The following RBFOX1 variants were observed in gnomAD, a reference collection of about 807,000 sequenced individuals.
RBFOX1 encodes the protein RNA binding fox-1 homolog 1.
In RBFOX1, 8 loss-of-function variants were observed where a neutral mutation model predicts 57.7. The ratio of observed to expected loss-of-function variants is 0.14; its 90% CI spans 0.08 to 0.25. RBFOX1 has a LOEUF of 0.25. RBFOX1 is among the 10% of genes least tolerant of loss of function. RBFOX1 has a pLI of 1.00. For synonymous variants in RBFOX1, 326 were observed against 222.4 expected (o/e 1.47, Z -4.15); for missense variants, 611 against 548.5 (o/e 1.11, Z -1.14).
At position 5,270,269 on chromosome 16, in the gene RBFOX1, T is replaced by C. The variant is rs995903506; in HGVS notation, c.219+30164T>C. 5 of 608,806 alleles carry C rather than the reference T, an allele frequency of 8.2e-6. No homozygotes were observed. In the African/African-American group the frequency reaches 9.3e-5, roughly 11 times the overall value. The allele number at this position is 608,806 out of a possible 1,614,324, so 37.7% of individuals were successfully genotyped here. A position where few individuals can be genotyped will look rare whatever the true frequency, so the allele number is the denominator to read the frequency against. On this transcript the variant is annotated intron_variant, in intron 1 of 2. Coordinates refer to the RBFOX1 transcript ENST00000585867. ...CATTTTCTAAGAAAGATCAGTATGA[T>C]GTAAAAGCACCTGCTATGTTCAATG... is the stretch of plus-strand genomic sequence containing the variant.
intron 3 of RBFOX1, among the ~76,000 whole-genome samples, chr16:6,767,947 T>TAATAATAAGAAGAAGAAGAAG (rs1410744665): frequency 3.4e-4 from 34 of 101,032 alleles, no homozygotes; most frequent in African/African-American, 1.4e-3. Flanking sequence ...ATAATAATAA[T>TAATAATAAGAAGAAGAAGAAG]AAGAAGAAGA....
intron 4 of RBFOX1, among the ~76,000 whole-genome samples, chr16:7,186,780 A>T (rs911031706): frequency 6.6e-6 from 1 of 151,064 alleles, no homozygotes; most frequent in African/African-American, 2.4e-5. Context: ...CATTAACTTA[A>T]ATCTATCCTG....
intron 3 of RBFOX1, among the ~76,000 whole-genome samples, chr16:6,939,242 C>T (rs1320869500): frequency 2.0e-5 from 3 of 152,006 alleles, no homozygotes; most frequent in Non-Finnish European, 2.9e-5. Flanking sequence ...TAAAGGTTTC[C>T]CCACTTCTCA....
In RBFOX1 at chr16:6,971,486, A is replaced by AAG. The variant is rs200603021; in HGVS notation, c.-15-80552_-15-80551dup. ...GCAGAGCTTTTCAGATTGCAATATGAAGAGAGAGAGAGAGAGAGAGTTGGT... is the reference window on the plus strand; with the variant it reads ...GCAGAGCTTTTCAGATTGCAATATGAAGAGAGAGAGAGAGAGAGAGAGTTGGT... On this transcript the variant is annotated intron_variant, in intron 3 of 15. Transcript: ENST00000550418. Among the ~76,000 whole-genome samples the AAG allele has an allele frequency of 8.7e-3, 1,203 of 138,530 alleles. 17 individuals are homozygous for AAG. Among genetic ancestry groups the AAG allele is most frequent in the East Asian group, 0.053 (253 of 4,794 alleles). The allele number at this position is 138,530 out of a possible 152,430, so 90.9% of individuals were successfully genotyped here.
chr16:6,427,731 G>T (rs1023771022), intron 2 of RBFOX1, among the ~76,000 whole-genome samples: 10 of 152,240 alleles, frequency 6.6e-5, no homozygotes, highest in African/African-American at 2.4e-4. Context: ...GATTTATAAT[G>T]ATTTAAACAG....
At chr16:5,722,268 G>C (rs1387565635) in intron 3 of RBFOX1, among the ~76,000 whole-genome samples, 1 of 152,158 alleles carries the variant, frequency 6.6e-6, no homozygotes, top group South Asian at 2.1e-4. Flanking sequence ...ACATAATTAG[G>C]CTACAGTGTA....
At chr16:7,054,233 C>CTT (rs34402387) in intron 4 of RBFOX1, among the ~76,000 whole-genome samples, 83 of 5,130 alleles carry the variant, frequency 0.016, 32 homozygotes, top group Non-Finnish European at 0.02. Context: ...GGGCGGGGAG[C>CTT]TTTTTTTTTT....
At chr16:6,171,401 G>A (rs867062363) in intron 1 of RBFOX1, among the ~76,000 whole-genome samples, 6 of 152,120 alleles carry the variant, frequency 3.9e-5, no homozygotes, top group East Asian at 1.9e-4. Flanking sequence ...TTCAAGACTC[G>A]ATTTAGAGAA....
chr16:6,513,499 C>A (rs577428703), intron 2 of RBFOX1, among the ~76,000 whole-genome samples: 1 of 152,024 alleles, frequency 6.6e-6, no homozygotes, highest in Admixed American at 6.6e-5. Flanking sequence ...TTTGGGAGGT[C>A]GAGGCAGGCG....
At chr16:5,416,624 C>T (rs2067166512) in intron 1 of RBFOX1, among the ~76,000 whole-genome samples, 1 of 151,706 alleles carries the variant, frequency 6.6e-6, no homozygotes, top group Non-Finnish European at 1.5e-5. Context: ...TTCTTCTGAA[C>T]TGCGTGATTT....
At chr16:6,570,605 C>G (rs1215184460) in intron 2 of RBFOX1, among the ~76,000 whole-genome samples, 2 of 152,016 alleles carry the variant, frequency 1.3e-5, no homozygotes, top group African/African-American at 2.4e-5. Flanking sequence ...ATCTGTATCT[C>G]TAGCTTTTTT....
intron 2 of RBFOX1, among the ~76,000 whole-genome samples, chr16:6,438,285 C>A (rs1375307258): frequency 6.6e-6 from 1 of 152,160 alleles, no homozygotes; most frequent in East Asian, 1.9e-4. Context: ...CTGAGAGAAA[C>A]CTGTGAAAGG....
intron 1 of RBFOX1, among the ~76,000 whole-genome samples, chr16:6,073,434 T>G (rs771192480): frequency 2.0e-5 from 3 of 152,218 alleles, no homozygotes; most frequent in African/African-American, 7.2e-5. Context: ...ATGTGGCATT[T>G]GGGAACTGAA....
chr16:5,308,567 C>T (rs982784256), intron 1 of RBFOX1, among the ~76,000 whole-genome samples: 1 of 152,038 alleles, frequency 6.6e-6, no homozygotes, highest in African/African-American at 2.4e-5. Context: ...TCTCCCCTTC[C>T]TTTAACCTCA....
At chr16:5,472,090 G>T (rs528596299) in intron 2 of RBFOX1, among the ~76,000 whole-genome samples, 29 of 152,234 alleles carry the variant, frequency 1.9e-4, no homozygotes, top group African/African-American at 6.7e-4. Flanking sequence ...TCATGTCTCT[G>T]TTATTTGCCG....
chr16:5,739,986 G>A (rs184052511), intron 3 of RBFOX1, among the ~76,000 whole-genome samples: 1 of 152,330 alleles, frequency 6.6e-6, no homozygotes, highest in East Asian at 1.9e-4. Flanking sequence ...CCTGGGGAGG[G>A]ATCAGTGTGG....
intron 4 of RBFOX1, among the ~76,000 whole-genome samples, chr16:5,973,973 A>C (rs1259899285): frequency 6.6e-6 from 1 of 152,186 alleles, no homozygotes; most frequent in East Asian, 1.9e-4. Flanking sequence ...GCTGACTGTG[A>C]AGCCTTGGTT....
chr16:6,623,804 A>G lies in RBFOX1; in HGVS notation c.-63-30799A>G, dbSNP rs1000207791. Among the ~76,000 whole-genome samples the G allele has an allele frequency of 2.6e-5, 4 of 152,272 alleles. 1 individual carries two copies. Among genetic ancestry groups the G allele is most frequent in the Non-Finnish European group, 1.5e-5 (1 of 68,034 alleles). On this transcript the variant is annotated intron_variant, in intron 2 of 15. Coordinates refer to ENST00000550418, the MANE Select transcript of RBFOX1 (RefSeq NM_018723.4). ...CTTTTTTATGGCTGCATAGTATTCT[A>G]TGGTGTATATGTGCCACATTTTCTT...
At chr16:6,154,074 C>T (rs1233037201) in intron 1 of RBFOX1, among the ~76,000 whole-genome samples, 1 of 152,172 alleles carries the variant, frequency 6.6e-6, no homozygotes, top group Non-Finnish European at 1.5e-5. Flanking sequence ...ACTGGCATAG[C>T]CTGGTGATTC....
Sources: allele counts gnomAD v4.1 joint callset (sites outside exome capture counted in the v4.1 genomes callset), GRCh38; gene constraint gnomAD v4.1.1; transcripts MANE v1.5; gene names NCBI Gene and HGNC (gene_info 2026-07-23, HGNC 2026-07-21).